DNAH8: variants seen among roughly 807,000 people sequenced by gnomAD.
The protein encoded by DNAH8 is dynein axonemal heavy chain 8.
A neutral mutation model predicts 562.1 loss-of-function variants in DNAH8; 382 were observed. That is an observed-to-expected ratio of 0.68 (90% confidence interval 0.63 to 0.74). DNAH8 has a LOEUF of 0.74. DNAH8 is among the 30% of genes least tolerant of loss of function. The pLI, the probability that DNAH8 is intolerant of heterozygous loss-of-function variation, is 0.00. For missense variants in DNAH8, 5,203 were observed against 5,620.4 expected (o/e 0.93, Z 2.37); for synonymous variants, 1,881 against 1,919.4 (o/e 0.98, Z 0.52).
At chr6:38,910,589 G>A (rs1477544476) in intron 65 of DNAH8, among the ~76,000 whole-genome samples, 2 of 151,948 alleles carry the variant, frequency 1.3e-5, no homozygotes, top group Non-Finnish European at 2.9e-5. Flanking sequence ...CTATTTGAAC[G>A]CCTGCTAATG....
chr6:38,954,702 C>CAA (rs1181312322), intron 82 of DNAH8, among the ~76,000 whole-genome samples: 19 of 814 alleles, frequency 0.023, 8 homozygotes, highest in Non-Finnish European at 0.03. Context: ...AACTCCGTCT[C>CAA]AAAAAAAAAA....
At chr6:38,784,130 A>AG (rs1768916043) in intron 17 of DNAH8, among the ~76,000 whole-genome samples, 1 of 152,064 alleles carries the variant, frequency 6.6e-6, no homozygotes, top group African/African-American at 2.4e-5. Context: ...CAGGAACCGT[A>AG]GGTAAGCCTT....
rs775717633 is a variant in DNAH8 at position 38,935,677 on chromosome 6, ATAAAT to A, written c.11547_11551del (p.Leu3850CysfsTer9). 2 of 1,609,546 alleles carry A rather than the reference ATAAAT, an allele frequency of 1.2e-6. No individual in the cohort carries two copies. Among genetic ancestry groups the A allele is most frequent in the Non-Finnish European group, 1.7e-6 (2 of 1,177,376 alleles). ...AAAGAACTTGAAGATAACCTCCTCT[ATAAAT>A]TAAGTGCTACAAAAGGTATTGTGTT... is the stretch of plus-strand genomic sequence containing the variant. On this transcript the variant is annotated frameshift_variant, in exon 77 of 93. Transcript: ENST00000327475. LOFTEE classifies it high-confidence loss of function.
In DNAH8 at chr6:38,872,460, A is replaced by G. The variant is rs1375054075; in HGVS notation, c.6991-76A>G. ...AATGAAGAGCTTATTAAAGCCTTTA[A>G]TCTTCAAGTAGCTACTATGAATGTC... On this transcript the variant is annotated intron_variant, in intron 49 of 92. Transcript: ENST00000327475. 2.0e-6 allele frequency: 3 copies of G among 1,486,170 alleles called. No homozygotes were observed. The African/African-American group carries it at 4.2e-5, about 21-fold the overall frequency. 92.1% of individuals were successfully genotyped at this position (1,486,170 alleles called of 1,614,324 possible).
At chr6:38,791,152 G>C (rs1769706225) in intron 20 of DNAH8, among the ~76,000 whole-genome samples, 1 of 152,202 alleles carries the variant, frequency 6.6e-6, no homozygotes, top group Non-Finnish European at 1.5e-5. Context: ...TGGCAGCATG[G>C]TGTAGTAAAC....
chr6:38,919,270 T>C (rs1418148198), intron 70 of DNAH8, among the ~76,000 whole-genome samples: 1 of 152,224 alleles, frequency 6.6e-6, no homozygotes, highest in Non-Finnish European at 1.5e-5. Context: ...TACTGTAATT[T>C]GAGATTGTGA....
intron 17 of DNAH8, 58 bp downstream of exon 17, chr6:38,783,197 T>A (rs1253928729): frequency 1.9e-6 from 3 of 1,552,006 alleles, no homozygotes; most frequent in East Asian, 2.3e-5. Context: ...TTGAATGAGT[T>A]CATAGTTCTG....
At chr6:38,881,549 GTTT>G (rs3047883) in intron 53 of DNAH8, among the ~76,000 whole-genome samples, 37,264 of 133,822 alleles carry the variant, frequency 0.28, 5,115 homozygotes, top group East Asian at 0.64. Flanking sequence ...TGAAATCAAT[GTTT>G]TTTTTTTTTT....
chr6:38,745,907 C>A (rs11756818), intron 8 of DNAH8, among the ~76,000 whole-genome samples: 40,972 of 152,032 alleles, frequency 0.27, 6,436 homozygotes, highest in Non-Finnish European at 0.36. Flanking sequence ...ACCAGGCGGT[C>A]CATTATATTG....
intron 60 of DNAH8, among the ~76,000 whole-genome samples, chr6:38,897,724 T>G (rs1779797761): frequency 6.6e-6 from 1 of 152,056 alleles, no homozygotes; most frequent in Admixed American, 6.6e-5. Context: ...GAGGCTGCAG[T>G]GAGCTATGAT....
intron 21 of DNAH8, among the ~76,000 whole-genome samples, chr6:38,799,031 C>G (rs1166107363): frequency 6.6e-6 from 1 of 152,174 alleles, no homozygotes; most frequent in Admixed American, 6.5e-5. Context: ...GGTGCCTCCT[C>G]TTGGGTTAAA....
At chr6:39,030,058 C>G (rs374664527) in intron 92 of DNAH8, 47 bp from the exon 93 acceptor site, 1 of 1,507,154 alleles carries the variant, frequency 6.6e-7, no homozygotes, top group Non-Finnish European at 9.1e-7. Flanking sequence ...TTTTGCAGCA[C>G]CTAGTTTAAA....
intron 26 of DNAH8, among the ~76,000 whole-genome samples, chr6:38,817,902 T>C (rs1224086493): frequency 6.6e-6 from 1 of 152,286 alleles, no homozygotes; most frequent in African/African-American, 2.4e-5. Flanking sequence ...ATCTCAAATG[T>C]TGAAATCCCA....
At position 38,872,759 on chromosome 6, in the gene DNAH8, G is replaced by T. The variant is rs373052203; in HGVS notation, c.7214G>T (p.Arg2405Ile). 6 of 1,613,934 alleles carry T rather than the reference G, an allele frequency of 3.7e-6. No homozygotes were observed. Among genetic ancestry groups the T allele is most frequent in the Non-Finnish European group, 5.1e-6 (6 of 1,179,988 alleles). Residue 2405 changes from arginine (R) to isoleucine (I), a missense_variant, in exon 50 of 93, where the codon AGA becomes ATA. Transcript: ENST00000327475. The part of the protein sequence containing the change: ...WTDGIFSTLW[R>I]KTLKAKKGEN... ...GATGGGATTTTTTCTACTCTGTGGAGAAAAACATTAAAAGCTAAAAAAGGT... is the reference window on the plus strand; with the variant it reads ...GATGGGATTTTTTCTACTCTGTGGATAAAAACATTAAAAGCTAAAAAAGGT...
intron 41 of DNAH8, among the ~76,000 whole-genome samples, chr6:38,857,076 C>T (rs1283043075): frequency 3.3e-5 from 5 of 152,072 alleles, no homozygotes; most frequent in Admixed American, 6.6e-5. Context: ...TAGATAAAAA[C>T]GTGGATATCA....
At position 38,862,174 on chromosome 6, in the gene DNAH8, A is replaced by G. The variant is rs943720438; in HGVS notation, c.6132-106A>G. Reference sequence around the variant, plus strand: ...CACTTCTTTTATGTGGGCTACTCAGACTCTAAAATAAATAGGCCCATTCCA... The same window carrying G: ...CACTTCTTTTATGTGGGCTACTCAGGCTCTAAAATAAATAGGCCCATTCCA... On this transcript the variant is annotated intron_variant, in intron 43 of 92. Coordinates refer to ENST00000327475, the MANE Select transcript of DNAH8 (RefSeq NM_001206927.2). 4.2e-6 allele frequency: 4 copies of G among 950,392 alleles called. No individual in the cohort carries two copies. In the African/African-American group the frequency reaches 6.6e-5, roughly 16 times the overall value. 58.9% of individuals were successfully genotyped at this position (950,392 alleles called of 1,614,324 possible). A position where few individuals can be genotyped will look rare whatever the true frequency, so the allele number is the denominator to read the frequency against.
At chr6:38,757,760 G>A (rs977567136) in intron 10 of DNAH8, among the ~76,000 whole-genome samples, 12 of 152,260 alleles carry the variant, frequency 7.9e-5, no homozygotes, top group East Asian at 1.9e-4. Context: ...TTTTCCCAGT[G>A]CCATTTATTA....
chr6:38,870,597 T>C (rs761890370), intron 49 of DNAH8, 35 bp downstream of exon 49: 5 of 1,577,214 alleles, frequency 3.2e-6, no homozygotes, highest in Middle Eastern at 1.7e-4. Context: ...AGTATAATGA[T>C]AAGTATGTGT....
At chr6:38,874,040 T>C (rs897554955) in intron 52 of DNAH8, among the ~76,000 whole-genome samples, 578 of 26,594 alleles carry the variant, frequency 0.022, 36 homozygotes, top group African/African-American at 0.089. Context: ...TTCTTTTCTT[T>C]TCTTTCTTTC....
Sources: allele counts gnomAD v4.1 joint callset (sites outside exome capture counted in the v4.1 genomes callset), GRCh38; gene constraint gnomAD v4.1.1; transcripts MANE v1.5; gene names NCBI Gene and HGNC (gene_info 2026-07-23, HGNC 2026-07-21).